SYNPR: variants seen among roughly 807,000 people sequenced by gnomAD.
SYNPR encodes the protein synaptoporin.
A neutral mutation model predicts 32.9 loss-of-function variants in SYNPR; 23 were observed. The ratio of observed to expected loss-of-function variants is 0.70; its 90% CI spans 0.50 to 0.99. SYNPR has a LOEUF of 0.99. SYNPR is among the 50% of genes least tolerant of loss of function. The pLI, the probability that SYNPR is intolerant of heterozygous loss-of-function variation, is 0.00. For missense variants in SYNPR, 318 were observed against 349.3 expected, an observed-to-expected ratio of 0.91 and a Z score of 0.71; for synonymous variants, 146 against 135.9, an observed-to-expected ratio of 1.07 and a Z score of -0.52.
chr3:63,611,059 T>C (rs1408859490), intron 5 of SYNPR, among the ~76,000 whole-genome samples: 1 of 152,204 alleles, frequency 6.6e-6, no homozygotes, highest in Non-Finnish European at 1.5e-5. Context: ...CCAATCCTCA[T>C]ATCCCTAAAA....
chr3:63,307,808 TA>T (rs978479510), intron 2 of SYNPR, among the ~76,000 whole-genome samples: 6 of 152,034 alleles, frequency 3.9e-5, no homozygotes, highest in African/African-American at 9.7e-5. Flanking sequence ...AAAAGATTCC[TA>T]GGGGGAAGCC....
At chr3:63,352,291 C>T (rs937519571) in intron 2 of SYNPR, among the ~76,000 whole-genome samples, 4 of 152,066 alleles carry the variant, frequency 2.6e-5, no homozygotes, top group African/African-American at 7.2e-5. Context: ...TGAAAATCCT[C>T]TCACCCAGTT....
At chr3:63,342,394 T>C (rs1431067130) in intron 2 of SYNPR, among the ~76,000 whole-genome samples, 1 of 152,232 alleles carries the variant, frequency 6.6e-6, no homozygotes, top group Non-Finnish European at 1.5e-5. Flanking sequence ...TTTCTTTCTG[T>C]AGTCCGTTGA....
chr3:63,462,958 G>A (rs1700614533), intron 2 of SYNPR, among the ~76,000 whole-genome samples: 3 of 152,124 alleles, frequency 2.0e-5, no homozygotes, highest in South Asian at 2.1e-4. Context: ...TGGATGTTGG[G>A]TTCCACTGTT....
chr3:63,333,448 G>T (rs2087251438), intron 2 of SYNPR, among the ~76,000 whole-genome samples: 1 of 152,170 alleles, frequency 6.6e-6, no homozygotes, highest in East Asian at 1.9e-4. Flanking sequence ...ACAGACCCTT[G>T]TTCTGTAACC....
At chr3:63,222,894 G>A in the SYNPR span, among the ~76,000 whole-genome samples, 2 of 152,182 alleles carry the variant, frequency 1.3e-5, no homozygotes, top group Admixed American at 6.5e-5. Context: ...TACTTGGCAA[G>A]TTAGGCTAGA....
chr3:63,440,479 G>A (rs1205985360), intron 2 of SYNPR, among the ~76,000 whole-genome samples: 1 of 152,136 alleles, frequency 6.6e-6, no homozygotes, highest in Non-Finnish European at 1.5e-5. Flanking sequence ...GAGATTTCTA[G>A]GGGTAAGAGT....
intron 3 of SYNPR, among the ~76,000 whole-genome samples, chr3:63,533,504 C>A (rs1032402650): frequency 6.6e-6 from 1 of 152,026 alleles, no homozygotes; most frequent in South Asian, 2.1e-4. Context: ...TTTGTATCAC[C>A]AAGAGTCCTA....
intron 2 of SYNPR, among the ~76,000 whole-genome samples, chr3:63,300,488 G>T (rs1349155795): frequency 6.6e-6 from 1 of 152,050 alleles, no homozygotes; most frequent in Non-Finnish European, 1.5e-5. Context: ...GACTTTGTTG[G>T]TCCCCTGCTC....
Position 63,307,936 on chromosome 3 carries a change from A to G in SYNPR, c.84+29194A>G, listed in dbSNP as rs559543235. Among the ~76,000 whole-genome samples the G allele has an allele frequency of 3.3e-5, 5 of 152,106 alleles. No homozygotes were observed. The East Asian group carries it at 9.7e-4, about 30-fold the overall frequency. ...GAGAAGAACATAGTTCGTGGCTTTTAATCTTGCTCACATTAGAGGAAAATA... is the reference window on the plus strand; with the variant it reads ...GAGAAGAACATAGTTCGTGGCTTTTGATCTTGCTCACATTAGAGGAAAATA... On this transcript the variant is annotated intron_variant, in intron 2 of 5. Coordinates refer to ENST00000478300, the MANE Select transcript of SYNPR (RefSeq NM_001130003.2).
At chr3:63,571,664 A>T (rs1362457298) in intron 4 of SYNPR, among the ~76,000 whole-genome samples, 5 of 152,194 alleles carry the variant, frequency 3.3e-5, no homozygotes, top group Non-Finnish European at 5.9e-5. Context: ...ACGTGGAATA[A>T]AAGAAAGCTA....
chr3:63,375,282 T>G (rs555453644), intron 2 of SYNPR, among the ~76,000 whole-genome samples: 2 of 152,332 alleles, frequency 1.3e-5, no homozygotes, highest in South Asian at 4.1e-4. Flanking sequence ...GTATGTTTAC[T>G]GCAGCACTAT....
At chr3:63,221,583 T>G in the SYNPR span, among the ~76,000 whole-genome samples, 8 of 152,162 alleles carry the variant, frequency 5.3e-5, no homozygotes, top group Non-Finnish European at 7.3e-5. Flanking sequence ...GTACCTTCTA[T>G]GACCTTAAGA....
chr3:63,282,374 A>G (rs9858455), intron 2 of SYNPR, among the ~76,000 whole-genome samples: 10,782 of 152,258 alleles, frequency 0.071, 411 homozygotes, highest in Middle Eastern at 0.099. Flanking sequence ...ATGAATATGA[A>G]GTTCCATATC....
At chr3:63,526,351 A>C (rs1702013102) in intron 3 of SYNPR, among the ~76,000 whole-genome samples, 1 of 152,154 alleles carries the variant, frequency 6.6e-6, no homozygotes, top group Admixed American at 6.5e-5. Flanking sequence ...TATATCATTT[A>C]CATTTATTGT....
rs1254510196 is a variant in SYNPR at position 63,595,814 on chromosome 3, T to A, written c.409-13311T>A. Among the ~76,000 whole-genome samples the A allele has an allele frequency of 1.3e-3, 89 of 66,174 alleles. 1 individual carries two copies. The East Asian group carries it at 0.029, about 22-fold the overall frequency. The allele number at this position is 66,174 out of a possible 152,430, so 43.4% of individuals were successfully genotyped here. ...ATATATATATAGTTATATATATATA[T>A]AGTTTTATATATATATAGTTATATA... On this transcript the variant is annotated intron_variant, in intron 4 of 5. Coordinates refer to ENST00000478300, the MANE Select transcript of SYNPR (RefSeq NM_001130003.2).
chr3:63,361,620 G>A (rs2087662831), intron 2 of SYNPR, among the ~76,000 whole-genome samples: 1 of 150,950 alleles, frequency 6.6e-6, no homozygotes, highest in Non-Finnish European at 1.5e-5. Context: ...AAAAAAAGGA[G>A]GGGGGGATAT....
At chr3:63,586,538 G>C (rs1354750660) in intron 4 of SYNPR, among the ~76,000 whole-genome samples, 1 of 151,706 alleles carries the variant, frequency 6.6e-6, no homozygotes, top group Non-Finnish European at 1.5e-5. Context: ...TTTATTATGA[G>C]TTTCTTGTAT....
chr3:63,249,804 TTA>T (rs1006979762), intron 1 of SYNPR, among the ~76,000 whole-genome samples: 5 of 152,198 alleles, frequency 3.3e-5, no homozygotes, highest in African/African-American at 4.8e-5. Flanking sequence ...GTCAGCTTTT[TTA>T]TTTTTTGCTT....
Sources: gnomAD v4.1 joint callset for allele counts (sites outside exome capture counted in the v4.1 genomes callset) on GRCh38, gnomAD v4.1.1 for gene constraint, MANE v1.5 for transcripts, NCBI Gene and HGNC (gene_info 2026-07-23, HGNC 2026-07-21) for gene names.